The following DOK6 variants were observed in gnomAD, a reference collection of about 807,000 sequenced individuals.
DOK6 encodes downstream of tyrosine kinase 6.
A neutral mutation model predicts 44.0 loss-of-function variants in DOK6; 22 were observed. The ratio of observed to expected loss-of-function variants is 0.50; its 90% CI spans 0.36 to 0.71. DOK6 has a LOEUF of 0.71. DOK6 is among the 30% of genes least tolerant of loss of function. The probability of loss-of-function intolerance (pLI) is 0.00; values close to 1 mark genes in which losing one functional copy is unlikely to be tolerated. For synonymous variants in DOK6, 166 were observed against 145.5 expected, an observed-to-expected ratio of 1.14 and a Z score of -1.01; for missense variants, 340 against 416.4, an observed-to-expected ratio of 0.82 and a Z score of 1.60.
At chr18:69,517,203 T>A (rs796501890) in intron 1 of DOK6, among the ~76,000 whole-genome samples, 3 of 152,288 alleles carry the variant, frequency 2.0e-5, no homozygotes, top group African/African-American at 7.2e-5. Context: ...AAAGCCAAGA[T>A]TAACAAGTGG....
At chr18:69,733,085 T>C (rs970661981) in intron 5 of DOK6, among the ~76,000 whole-genome samples, 2 of 152,012 alleles carry the variant, frequency 1.3e-5, no homozygotes, top group Non-Finnish European at 1.5e-5. Flanking sequence ...AAACAGCTAC[T>C]CAGGAGGCTG....
intron 5 of DOK6, among the ~76,000 whole-genome samples, chr18:69,720,462 G>C (rs1253449239): frequency 6.6e-6 from 1 of 152,142 alleles, no homozygotes; most frequent in East Asian, 1.9e-4. Flanking sequence ...GTGATGAATA[G>C]AATCTTAATC....
At chr18:69,566,979 T>A (rs1414958727) in intron 2 of DOK6, among the ~76,000 whole-genome samples, 1 of 152,228 alleles carries the variant, frequency 6.6e-6, no homozygotes, top group Non-Finnish European at 1.5e-5. Context: ...AGGCACTCCA[T>A]GGCAGTGCTC....
At chr18:69,463,205 C>A (rs1165051878) in intron 1 of DOK6, among the ~76,000 whole-genome samples, 2 of 152,142 alleles carry the variant, frequency 1.3e-5, no homozygotes, top group East Asian at 3.9e-4. Context: ...TCTCAGGCCT[C>A]TCCTATAAGG....
chr18:69,731,557 T>C (rs1420995866), intron 5 of DOK6, among the ~76,000 whole-genome samples: 1 of 152,200 alleles, frequency 6.6e-6, no homozygotes, highest in East Asian at 1.9e-4. Flanking sequence ...GCTGAAAGGA[T>C]CTTTCACATA....
intron 1 of DOK6, among the ~76,000 whole-genome samples, chr18:69,495,735 G>A (rs1980865617): frequency 1.3e-5 from 2 of 152,136 alleles, no homozygotes; most frequent in Non-Finnish European, 2.9e-5. Context: ...GCCATTCATG[G>A]CATCCAGGCT....
At chr18:69,584,038 G>A (rs568659964) in intron 2 of DOK6, among the ~76,000 whole-genome samples, 11,737 of 150,064 alleles carry the variant, frequency 0.078, 528 homozygotes, top group Middle Eastern at 0.19. Context: ...AACCCGGGAG[G>A]CGGAGCTTGC....
chr18:69,573,282 CATG>C (rs1983161487), intron 2 of DOK6, among the ~76,000 whole-genome samples: 1 of 151,766 alleles, frequency 6.6e-6, no homozygotes, highest in Non-Finnish European at 1.5e-5. Flanking sequence ...GGCAAAACAG[CATG>C]AAGAGCCCAA....
chr18:69,838,686 G>C (rs1485396319), intron 7 of DOK6, among the ~76,000 whole-genome samples: 1 of 151,998 alleles, frequency 6.6e-6, no homozygotes, highest in Admixed American at 6.5e-5. Flanking sequence ...GGAAGTAGCA[G>C]AGGCAACATA....
intron 3 of DOK6, among the ~76,000 whole-genome samples, chr18:69,648,032 CT>C (rs1385749902): frequency 6.6e-6 from 1 of 152,172 alleles, no homozygotes; most frequent in Admixed American, 6.5e-5. Flanking sequence ...CTATCAAATA[CT>C]TGTTTAGCTA....
Position 69,698,250 on chromosome 18 carries a change from G to T in DOK6, c.410-154G>T, listed in dbSNP as rs148587655. ...GAACTCCTTTTCTCATACAAATTTT[G>T]AAATATGTCATGTTCTACAATGTTT... On this transcript the variant is annotated intron_variant, in intron 4 of 7. Coordinates refer to ENST00000382713, the MANE Select transcript of DOK6 (RefSeq NM_152721.6). Among the ~76,000 whole-genome samples, 31 of 152,252 alleles carry T rather than the reference G, an allele frequency of 2.0e-4. 1 individual carries two copies. Among genetic ancestry groups the T allele is most frequent in the African/African-American group, 6.7e-4 (28 of 41,556 alleles).
chr18:69,586,115 T>A (rs1041451167), intron 2 of DOK6, among the ~76,000 whole-genome samples: 5 of 152,192 alleles, frequency 3.3e-5, no homozygotes, highest in African/African-American at 1.2e-4. Flanking sequence ...ACTTCTTTAT[T>A]AAACGAGTAA....
intron 3 of DOK6, among the ~76,000 whole-genome samples, chr18:69,658,580 CT>C (rs1423142236): frequency 1.3e-5 from 2 of 152,058 alleles, no homozygotes; most frequent in African/African-American, 4.8e-5. Context: ...CAAGAACAGG[CT>C]TTTATTCACT....
chr18:69,568,213 G>A (rs1277275739), intron 2 of DOK6, among the ~76,000 whole-genome samples: 1 of 152,212 alleles, frequency 6.6e-6, no homozygotes, highest in Non-Finnish European at 1.5e-5. Flanking sequence ...AGCGTCAGCA[G>A]GGCAGTTAGA....
At chr18:69,433,771 A>G (rs2122428291) in intron 1 of DOK6, among the ~76,000 whole-genome samples, 1 of 152,330 alleles carries the variant, frequency 6.6e-6, no homozygotes, top group Admixed American at 6.5e-5. Context: ...CTGAGAAACT[A>G]GTTAAATATA....
At chr18:69,482,298 C>A (rs1199633971) in intron 1 of DOK6, among the ~76,000 whole-genome samples, 6 of 152,086 alleles carry the variant, frequency 3.9e-5, no homozygotes, top group Non-Finnish European at 8.8e-5. Flanking sequence ...AGTCCTTGCC[C>A]ATGCCTATGT....
intron 1 of DOK6, among the ~76,000 whole-genome samples, chr18:69,506,970 A>G (rs1447514929): frequency 6.6e-6 from 1 of 151,880 alleles, no homozygotes; most frequent in East Asian, 1.9e-4. Context: ...TCATTGATCT[A>G]TATATCCATT....
chr18:69,519,546 C>A (rs139119990), intron 1 of DOK6, among the ~76,000 whole-genome samples: 1 of 151,898 alleles, frequency 6.6e-6, no homozygotes, highest in African/African-American at 2.4e-5. Context: ...TAGATGTTGG[C>A]TAAAATGTTA....
intron 7 of DOK6, among the ~76,000 whole-genome samples, chr18:69,788,495 G>A (rs1294236557): frequency 6.6e-6 from 1 of 152,100 alleles, no homozygotes; most frequent in Non-Finnish European, 1.5e-5. Flanking sequence ...TCAATGATAT[G>A]TAACACATAA....
Sources: gnomAD v4.1 joint callset for allele counts (sites outside exome capture counted in the v4.1 genomes callset) on GRCh38, gnomAD v4.1.1 for gene constraint, MANE v1.5 for transcripts, NCBI Gene and HGNC (gene_info 2026-07-23, HGNC 2026-07-21) for gene names.